The following SH3D19 variants were observed in gnomAD, a reference collection of about 807,000 sequenced individuals.
SH3D19 encodes SH3 domain containing 19, also known as SH3 domain-containing protein 19.
SH3D19 carries 58 observed loss-of-function variants against 112.1 expected under a neutral mutation model. The observed-to-expected ratio is 0.52, with a 90% CI of 0.42 to 0.64. The LOEUF (loss-of-function observed/expected upper bound fraction) is 0.64, where lower values mean the gene tolerates loss of function less well. Among genes scored for constraint, SH3D19 ranks in the 30% least tolerant of loss-of-function variants. The pLI, the probability that SH3D19 is intolerant of heterozygous loss-of-function variation, is 0.00. For synonymous variants in SH3D19, 391 were observed against 448.5 expected, an observed-to-expected ratio of 0.87 and a Z score of 1.62; for missense variants, 1,090 against 1,263.4, an observed-to-expected ratio of 0.86 and a Z score of 2.08.
intron 7 of SH3D19, among the ~76,000 whole-genome samples, chr4:151,169,448 G>A (rs942721075): frequency 1.3e-5 from 2 of 152,234 alleles, no homozygotes; most frequent in Admixed American, 6.5e-5. Context: ...CATGTTGTCT[G>A]GGCTGTGATC....
chr4:151,295,063 G>A (rs1775608425), intron 1 of SH3D19, among the ~76,000 whole-genome samples: 1 of 152,212 alleles, frequency 6.6e-6, no homozygotes, highest in African/African-American at 2.4e-5. Context: ...GAGCAAAGGT[G>A]GAAAGGTGTA....
chr4:151,196,854 A>T (rs987380580), intron 2 of SH3D19, among the ~76,000 whole-genome samples: 2 of 152,216 alleles, frequency 1.3e-5, no homozygotes, highest in Non-Finnish European at 2.9e-5. Context: ...ACAATTCTCA[A>T]AGGAAGATAT....
intron 10 of SH3D19, 101 bp from the exon 11 acceptor site, chr4:151,148,287 A>G: frequency 1.1e-6 from 1 of 915,622 alleles, no homozygotes. Flanking sequence ...ACACACACAC[A>G]CAGAGACACA....
chr4:151,241,279 G>A (rs770421158), intron 1 of SH3D19, among the ~76,000 whole-genome samples: 8 of 151,878 alleles, frequency 5.3e-5, no homozygotes, highest in Non-Finnish European at 7.3e-5. Flanking sequence ...GTTACAAAGC[G>A]AGGCCCTATC....
At chr4:151,208,036 A>G (rs1301360647) in intron 2 of SH3D19, among the ~76,000 whole-genome samples, 2 of 152,258 alleles carry the variant, frequency 1.3e-5, no homozygotes, top group Non-Finnish European at 2.9e-5. Flanking sequence ...TGGCTAAGCT[A>G]CAGTCTCCAG....
chr4:151,223,003 C>CT (rs33925824), intron 2 of SH3D19, among the ~76,000 whole-genome samples: 7,324 of 115,648 alleles, frequency 0.063, 435 homozygotes, highest in East Asian at 0.19. Flanking sequence ...TTCTCCCAGC[C>CT]TTTTTTTTTT....
intron 15 of SH3D19, 126 bp from the exon 16 acceptor site, chr4:151,133,362 TTTG>T: frequency 1.4e-6 from 1 of 732,596 alleles, no homozygotes; most frequent in Non-Finnish European, 2.2e-6. Flanking sequence ...ACTAGGCTAA[TTTG>T]AAATTATTCC....
intron 13 of SH3D19, 140 bp from the exon 14 acceptor site, chr4:151,138,002 A>C (rs1423287392): frequency 1.7e-6 from 1 of 588,710 alleles, no homozygotes; most frequent in Non-Finnish European, 2.6e-6. Flanking sequence ...AATCAAATTG[A>C]CTTAAAAAAT....
intron 13 of SH3D19, 131 bp downstream of exon 13, chr4:151,139,644 A>T (rs1752619116): frequency 1.4e-6 from 1 of 702,090 alleles, no homozygotes; most frequent in African/African-American, 1.8e-5. Context: ...GGATAAGATG[A>T]CCTCTCCAGT....
At chr4:151,235,682 A>G (rs1436187779) in intron 1 of SH3D19, among the ~76,000 whole-genome samples, 1 of 152,172 alleles carries the variant, frequency 6.6e-6, no homozygotes, top group Non-Finnish European at 1.5e-5. Context: ...GCTACCTGGG[A>G]GGCTGAGGCA....
At chr4:151,193,183 T>C (rs929239595) in intron 2 of SH3D19, among the ~76,000 whole-genome samples, 3 of 152,328 alleles carry the variant, frequency 2.0e-5, no homozygotes, top group African/African-American at 7.2e-5. Flanking sequence ...TGCTGCTGGT[T>C]TTGTTTAGTT....
chr4:151,240,181 G>A (rs1561393330), intron 1 of SH3D19, among the ~76,000 whole-genome samples: 1 of 152,136 alleles, frequency 6.6e-6, no homozygotes, highest in South Asian at 2.1e-4. Context: ...GAGGTGGAAG[G>A]ATCATTTGAA....
intron 1 of SH3D19, among the ~76,000 whole-genome samples, chr4:151,317,637 T>C (rs908729903): frequency 1.8e-4 from 28 of 152,322 alleles, no homozygotes; most frequent in African/African-American, 5.3e-4. Context: ...TTGAACATAA[T>C]TGCTTATGTC....
At chr4:151,298,326 C>T (rs985635425) in intron 1 of SH3D19, among the ~76,000 whole-genome samples, 15 of 151,754 alleles carry the variant, frequency 9.9e-5, no homozygotes, top group African/African-American at 1.7e-4. Flanking sequence ...TACAGGCACC[C>T]GCCGCCATGC....
rs1262957466 is a variant in SH3D19, at chr4:151,290,968, C to T, written c.112+34273G>A. On this transcript the variant is annotated intron_variant, in intron 1 of 19. Coordinates refer to ENST00000604030, the MANE Select transcript of SH3D19 (RefSeq NM_001378122.1). ...TGATTCTAAAATTCCTGTGATATCT[C>T]CCTAAAGCAGTGATTAGTCCAGCCC... is the stretch of plus-strand genomic sequence containing the variant. The T allele has an allele frequency of 5.2e-6, 3 of 575,434 alleles. No individual in the cohort carries two copies. In the African/African-American group the frequency reaches 5.6e-5, roughly 11 times the overall value. 35.6% of individuals were successfully genotyped at this position (575,434 alleles called of 1,614,324 possible).
chr4:151,294,743 G>C (rs1426013209), intron 1 of SH3D19, among the ~76,000 whole-genome samples: 2 of 152,210 alleles, frequency 1.3e-5, no homozygotes, highest in Non-Finnish European at 2.9e-5. Context: ...GCTTCAAGTA[G>C]TTTACATTGC....
At chr4:151,252,940 T>C (rs1255188318) in intron 1 of SH3D19, among the ~76,000 whole-genome samples, 1 of 152,230 alleles carries the variant, frequency 6.6e-6, no homozygotes, top group African/African-American at 2.4e-5. Flanking sequence ...AATCTGCCAC[T>C]TCTTACCACT....
At chr4:151,124,547 G>C (rs948589450) in intron 19 of SH3D19, among the ~76,000 whole-genome samples, 25 of 152,132 alleles carry the variant, frequency 1.6e-4, no homozygotes, top group African/African-American at 6.0e-4. Context: ...GTGAAACCCT[G>C]TCTCTACTAA....
chr4:151,275,221 G>A (rs1029793460), intron 1 of SH3D19, among the ~76,000 whole-genome samples: 50 of 151,964 alleles, frequency 3.3e-4, no homozygotes, highest in African/African-American at 1.2e-3. Flanking sequence ...CAAGTGGCTG[G>A]GACTACAGGC....
Sources: gnomAD v4.1 joint callset for allele counts (sites outside exome capture counted in the v4.1 genomes callset) on GRCh38, gnomAD v4.1.1 for gene constraint, MANE v1.5 for transcripts, NCBI Gene and HGNC (gene_info 2026-07-23, HGNC 2026-07-21) for gene names.